RBFOX1: variants seen among roughly 807,000 people sequenced by gnomAD.
The protein encoded by RBFOX1 is RNA binding fox-1 homolog 1.
In RBFOX1, 8 loss-of-function variants were observed where a neutral mutation model predicts 57.7. The observed-to-expected ratio is 0.14, with a 90% CI of 0.08 to 0.25. The LOEUF (loss-of-function observed/expected upper bound fraction) is 0.25, where lower values mean the gene tolerates loss of function less well. RBFOX1 is among the 10% of genes least tolerant of loss of function. The probability of loss-of-function intolerance (pLI) is 1.00; values close to 1 mark genes in which losing one functional copy is unlikely to be tolerated. For synonymous variants in RBFOX1, 326 were observed against 222.4 expected (o/e 1.47, Z -4.15); for missense variants, 611 against 548.5 (o/e 1.11, Z -1.14).
At chr16:6,376,925 A>T (rs2091246823) in intron 2 of RBFOX1, among the ~76,000 whole-genome samples, 2 of 152,026 alleles carry the variant, frequency 1.3e-5, no homozygotes, top group South Asian at 4.2e-4. Flanking sequence ...TGGGTATCAC[A>T]TAGCCTTCCC....
intron 2 of RBFOX1, among the ~76,000 whole-genome samples, chr16:6,399,356 G>A (rs889830568): frequency 1.3e-5 from 2 of 152,128 alleles, no homozygotes; most frequent in African/African-American, 2.4e-5. Flanking sequence ...TTACTTATGC[G>A]GATTTCTTCC....
At chr16:7,075,122 G>T (rs988285512) in intron 4 of RBFOX1, among the ~76,000 whole-genome samples, 2 of 152,188 alleles carry the variant, frequency 1.3e-5, no homozygotes, top group Admixed American at 1.3e-4. Flanking sequence ...TACTCATGGG[G>T]CTGAGGCTGT....
intron 4 of RBFOX1, among the ~76,000 whole-genome samples, chr16:7,226,079 A>G (rs1441454182): frequency 6.6e-6 from 1 of 151,970 alleles, no homozygotes; most frequent in African/African-American, 2.4e-5. Context: ...TAGTGGCAAG[A>G]TGCTCACCCT....
chr16:6,410,659 G>A (rs1243221472), intron 2 of RBFOX1, among the ~76,000 whole-genome samples: 1 of 152,162 alleles, frequency 6.6e-6, no homozygotes, highest in Admixed American at 6.5e-5. Flanking sequence ...AAGGCGTGCG[G>A]AAGCACACTG....
At chr16:6,888,394 G>T (rs545180749) in intron 3 of RBFOX1, among the ~76,000 whole-genome samples, 1 of 152,122 alleles carries the variant, frequency 6.6e-6, no homozygotes, top group African/African-American at 2.4e-5. Flanking sequence ...ACTTGGAGGA[G>T]AAAGAGCTTA....
At chr16:7,564,988 A>C (rs2152710806) in intron 5 of RBFOX1, among the ~76,000 whole-genome samples, 1 of 152,258 alleles carries the variant, frequency 6.6e-6, no homozygotes, top group African/African-American at 2.4e-5. Context: ...CAGGCTCGAA[A>C]TGAGGCATTA....
At chr16:5,681,888 G>T (rs75922547) in intron 3 of RBFOX1, among the ~76,000 whole-genome samples, 1 of 152,184 alleles carries the variant, frequency 6.6e-6, no homozygotes, top group South Asian at 2.1e-4. Context: ...GAATATGAGT[G>T]GTCTGAGATG....
intron 4 of RBFOX1, among the ~76,000 whole-genome samples, chr16:7,273,936 A>G (rs1287232428): frequency 1.3e-5 from 2 of 152,176 alleles, no homozygotes; most frequent in South Asian, 2.1e-4. Context: ...TTTCTGTAGT[A>G]TTACTGGTCT....
At chr16:7,687,445 G>T (rs1207477264) in intron 14 of RBFOX1, among the ~76,000 whole-genome samples, 1 of 152,062 alleles carries the variant, frequency 6.6e-6, no homozygotes, top group African/African-American at 2.4e-5. Context: ...ACTTAGCTCA[G>T]TGCCTGATAT....
In RBFOX1 at chr16:7,595,706, G is replaced by A. The variant is rs1325919455; in HGVS notation, c.561+65G>A. The A allele has an allele frequency of 8.2e-6, 11 of 1,341,922 alleles. No homozygotes were observed. The African/African-American group carries it at 1.6e-4, about 20-fold the overall frequency. The allele number at this position is 1,341,922 out of a possible 1,614,324, so 83.1% of individuals were successfully genotyped here. The stretch of plus-strand genomic sequence containing the variant: ...AATGTCTGCTTCACGCTCATTCGTT[G>A]TTCCAGATGCATCATTGGCGTCTTG... On this transcript the variant is annotated intron_variant, in intron 8 of 15. Transcript: ENST00000550418.
intron 4 of RBFOX1, among the ~76,000 whole-genome samples, chr16:7,389,683 G>C (rs927307164): frequency 2.0e-5 from 3 of 152,174 alleles, no homozygotes; most frequent in African/African-American, 7.2e-5. Flanking sequence ...CAATCTGGCT[G>C]GAGTTTACAG....
intron 3 of RBFOX1, among the ~76,000 whole-genome samples, chr16:6,948,412 A>C (rs1412779506): frequency 3.4e-5 from 1 of 29,216 alleles, no homozygotes; most frequent in African/African-American, 1.4e-4. Flanking sequence ...TTTGAGGCTG[A>C]GTTTTACTCT....
At chr16:7,385,411 G>A (rs1484645761) in intron 4 of RBFOX1, among the ~76,000 whole-genome samples, 1 of 152,214 alleles carries the variant, frequency 6.6e-6, no homozygotes, top group Non-Finnish European at 1.5e-5. Context: ...GGAAAACCCA[G>A]TGGAGGTGAA....
At chr16:7,364,704 A>G (rs1316040881) in intron 4 of RBFOX1, among the ~76,000 whole-genome samples, 1 of 152,010 alleles carries the variant, frequency 6.6e-6, no homozygotes, top group Non-Finnish European at 1.5e-5. Context: ...TTCTATCATC[A>G]GATCTCTCTG....
intron 1 of RBFOX1, among the ~76,000 whole-genome samples, chr16:5,428,764 G>C (rs938141464): frequency 1.3e-5 from 2 of 152,180 alleles, no homozygotes; most frequent in Non-Finnish European, 2.9e-5. Flanking sequence ...TGGAGAAATT[G>C]AGTATAACTT....
chr16:7,698,522 C>G lies in RBFOX1; in HGVS notation c.996-10534C>G, dbSNP rs78794273. On this transcript the variant is annotated intron_variant, in intron 14 of 15. Coordinates refer to ENST00000550418, the MANE Select transcript of RBFOX1 (RefSeq NM_018723.4). Reference sequence around the variant, plus strand: ...AGCGCCTTTCATTTTTCTATCCCCACTTCTCAACCTACACATGCTGCCAGC... The same window carrying G: ...AGCGCCTTTCATTTTTCTATCCCCAGTTCTCAACCTACACATGCTGCCAGC... 5.5e-3 allele frequency among the ~76,000 whole-genome samples: 843 copies of G among 152,214 alleles called. 9 individuals carry two copies. Among genetic ancestry groups the G allele is most frequent in the African/African-American group, 0.019 (803 of 41,520 alleles).
At chr16:6,931,442 C>G (rs977915209) in intron 3 of RBFOX1, among the ~76,000 whole-genome samples, 2 of 151,914 alleles carry the variant, frequency 1.3e-5, no homozygotes, top group East Asian at 3.9e-4. Context: ...ACGTCTGCTG[C>G]CTTGGACCAG....
In RBFOX1 at chr16:7,138,207, G is replaced by A. The variant is rs139408706; in HGVS notation, c.27+86109G>A. Among the ~76,000 whole-genome samples, 270 of 152,268 alleles carry A rather than the reference G, an allele frequency of 1.8e-3. 3 individuals are homozygous for A. In the East Asian group the frequency reaches 0.035, roughly 20 times the overall value. The stretch of plus-strand genomic sequence containing the variant: ...GAGGATCAGATGGGGCAATGAGGAT[G>A]GCGAAAGGAATACCTGAAGTCATGA... On this transcript the variant is annotated intron_variant, in intron 4 of 15. Coordinates refer to ENST00000550418, the MANE Select transcript of RBFOX1 (RefSeq NM_018723.4).
intron 4 of RBFOX1, among the ~76,000 whole-genome samples, chr16:7,281,346 T>C (rs138214213): frequency 1.0e-3 from 155 of 151,702 alleles, no homozygotes; most frequent in Non-Finnish European, 1.5e-3. Flanking sequence ...GGGGGTAGTT[T>C]AGCATACATT....
Sources: gnomAD v4.1 joint callset for allele counts (sites outside exome capture counted in the v4.1 genomes callset) on GRCh38, gnomAD v4.1.1 for gene constraint, MANE v1.5 for transcripts, NCBI Gene and HGNC (gene_info 2026-07-23, HGNC 2026-07-21) for gene names.